Variants in NHSL2 observed in about 807,000 individuals in gnomAD.
NHSL2 encodes the protein NHS like 2.
NHSL2 carries 27 observed loss-of-function variants against 53.4 expected under a neutral mutation model. The observed-to-expected ratio is 0.51, with a 90% confidence interval of 0.37 to 0.70. NHSL2 has a LOEUF of 0.70. NHSL2 is among the 30% of genes least tolerant of loss of function. NHSL2 has a pLI of 0.00. For synonymous variants in NHSL2, 408 were observed against 404.1 expected, an observed-to-expected ratio of 1.01 and a Z score of -0.12; for missense variants, 892 against 980.1, an observed-to-expected ratio of 0.91 and a Z score of 1.20.
rs996824732 is a variant in NHSL2 at position 71,935,203 on chromosome X, T to G, written c.280+23836T>G. On this transcript the variant is annotated intron_variant, in intron 1 of 7. Coordinates refer to ENST00000633930, the MANE Select transcript of NHSL2 (RefSeq NM_001013627.3). ...ATTTTTGTTTCTTATACAAATCTTT[T>G]GCTAATGATTCTCAGTTTAAAAACA... 2.7e-5 allele frequency among the ~76,000 whole-genome samples: 3 copies of G among 112,069 alleles called. No homozygotes were observed. In the East Asian group the frequency reaches 8.4e-4, roughly 31 times the overall value.
chrX:71,942,968 C>CTGTGTGTG, intron 1 of NHSL2, among the ~76,000 whole-genome samples: 1 of 19,601 alleles, frequency 5.1e-5, no homozygotes, highest in African/African-American at 1.4e-4. Flanking sequence ...CTCTCTCTCT[C>CTGTGTGTG]TCTCTGTGTG....
At chrX:71,944,532 T>G (rs763453656) in intron 1 of NHSL2, among the ~76,000 whole-genome samples, 1 of 112,053 alleles carries the variant, frequency 8.9e-6, no homozygotes, top group South Asian at 3.8e-4. Context: ...CATATGGGCT[T>G]TCTCGGCTGT....
chrX:72,002,253 T>A (rs2042075567), intron 1 of NHSL2, among the ~76,000 whole-genome samples: 1 of 112,182 alleles, frequency 8.9e-6, no homozygotes, highest in African/African-American at 3.2e-5. Context: ...TCATTTATAG[T>A]ACCTTCCTGG....
At chrX:72,137,534 C>T (rs779778056) in intron 5 of NHSL2, among the ~76,000 whole-genome samples, 10 of 111,724 alleles carry the variant, frequency 9.0e-5, no homozygotes, top group Admixed American at 2.8e-4. Context: ...GGTTCCTCAC[C>T]ATCATCTTAA....
intron 1 of NHSL2, among the ~76,000 whole-genome samples, chrX:72,069,143 G>T (rs965733464): frequency 3.6e-5 from 4 of 112,231 alleles, no homozygotes; most frequent in Non-Finnish European, 5.6e-5. Context: ...CCGCGCTCCT[G>T]CAAGCTTCTG....
chrX:71,932,676 C>G (rs929001135), intron 1 of NHSL2, among the ~76,000 whole-genome samples: 6 of 111,780 alleles, frequency 5.4e-5, no homozygotes, highest in African/African-American at 2.0e-4. Flanking sequence ...CAGGGGTGGT[C>G]TTCACCAAAA....
intron 1 of NHSL2, among the ~76,000 whole-genome samples, chrX:72,081,428 A>G (rs750546970): frequency 2.7e-5 from 3 of 112,183 alleles, no homozygotes; most frequent in South Asian, 3.7e-4. Flanking sequence ...GCCCTAGAGA[A>G]GAAGGGCATG....
intron 1 of NHSL2, among the ~76,000 whole-genome samples, chrX:72,019,101 C>T (rs2042148561): frequency 8.9e-6 from 1 of 112,063 alleles, no homozygotes; most frequent in African/African-American, 3.2e-5. Context: ...TCTCGCCTTT[C>T]CAAAATGAAT....
At chrX:71,954,178 A>G (rs1021131404) in intron 1 of NHSL2, among the ~76,000 whole-genome samples, 1 of 112,197 alleles carries the variant, frequency 8.9e-6, no homozygotes, top group Non-Finnish European at 1.9e-5. Context: ...GCCAGGCACT[A>G]CATGAGCCAG....
At chrX:71,978,912 T>TC (rs1676252866) in intron 1 of NHSL2, among the ~76,000 whole-genome samples, 1 of 43,248 alleles carries the variant, frequency 2.3e-5, no homozygotes, top group Non-Finnish European at 4.0e-5. Flanking sequence ...CCCTCCACCC[T>TC]CCCCCCACCC....
At chrX:72,059,326 T>A (rs1412089338) in intron 1 of NHSL2, among the ~76,000 whole-genome samples, 1 of 110,968 alleles carries the variant, frequency 9.0e-6, no homozygotes, top group Non-Finnish European at 1.9e-5. Context: ...GCCTTCCACA[T>A]TGCAGCCACC....
At chrX:71,949,394 G>A (rs1807443761) in intron 1 of NHSL2, among the ~76,000 whole-genome samples, 1 of 111,043 alleles carries the variant, frequency 9.0e-6, no homozygotes, top group Admixed American at 9.6e-5. Context: ...CAAAGGGTGG[G>A]AAAGACACAA....
At chrX:72,021,767 C>T (rs958594424) in intron 1 of NHSL2, among the ~76,000 whole-genome samples, 3 of 111,561 alleles carry the variant, frequency 2.7e-5, no homozygotes, top group African/African-American at 6.5e-5. Flanking sequence ...AATTTTCATT[C>T]GGTAGCTCCT....
intron 1 of NHSL2, among the ~76,000 whole-genome samples, chrX:71,991,818 T>TCTCTCTCTCTC (rs778925898): frequency 1.7e-4 from 17 of 99,884 alleles, no homozygotes; most frequent in African/African-American, 6.7e-4. Flanking sequence ...GTCTTTCTCT[T>TCTCTCTCTCTC]TCTCTCTCTC....
intron 1 of NHSL2, among the ~76,000 whole-genome samples, chrX:71,926,263 C>A (rs549780876): frequency 8.9e-6 from 1 of 111,774 alleles, no homozygotes; most frequent in Non-Finnish European, 1.9e-5. Flanking sequence ...CTGACCTGCC[C>A]ACAGTGGCAA....
At chrX:72,047,370 C>T (rs142415993) in intron 1 of NHSL2, among the ~76,000 whole-genome samples, 2,628 of 112,286 alleles carry the variant, frequency 0.023, 87 homozygotes, top group African/African-American at 0.081. Context: ...AACTGTTCCA[C>T]GGAGGCCATC....
At chrX:72,065,882 T>G (rs1012886039) in intron 1 of NHSL2, among the ~76,000 whole-genome samples, 1 of 111,597 alleles carries the variant, frequency 9.0e-6, no homozygotes, top group Non-Finnish European at 1.9e-5. Context: ...GTAGCCCAGA[T>G]TGAATGGGCA....
chrX:72,050,225 G>A lies in NHSL2; in HGVS notation c.281-81854G>A, dbSNP rs765763203. 1.1e-3 allele frequency among the ~76,000 whole-genome samples: 122 copies of A among 111,135 alleles called. 1 individual carries two copies. Among genetic ancestry groups the A allele is most frequent in the African/African-American group, 3.8e-3 (117 of 30,504 alleles). Reference sequence around the variant, plus strand: ...TGTTCTCCACCTTGGATCCACTTTCGTGTACTATTTATTGTTTTTTTGACT... The same window carrying A: ...TGTTCTCCACCTTGGATCCACTTTCATGTACTATTTATTGTTTTTTTGACT... On this transcript the variant is annotated intron_variant, in intron 1 of 7. Transcript: ENST00000633930.
chrX:71,930,920 A>G (rs770742548), intron 1 of NHSL2, among the ~76,000 whole-genome samples: 1 of 112,280 alleles, frequency 8.9e-6, no homozygotes, highest in Non-Finnish European at 1.9e-5. Flanking sequence ...TACCTAAGGA[A>G]TGGAATTGCT....
Sources: allele counts gnomAD v4.1 joint callset (sites outside exome capture counted in the v4.1 genomes callset), GRCh38; gene constraint gnomAD v4.1.1; transcripts MANE v1.5; gene names NCBI Gene and HGNC (gene_info 2026-07-23, HGNC 2026-07-21).